Variants in LIN28B observed in about 807,000 individuals in gnomAD.
LIN28B encodes lin-28 RNA binding posttranscriptional regulator B, also known as protein lin-28 homolog B.
Under a neutral mutation model 21.9 loss-of-function variants are expected in LIN28B, and 5 were observed. The ratio of observed to expected loss-of-function variants is 0.23; its 90% confidence interval spans 0.12 to 0.48. The LOEUF (loss-of-function observed/expected upper bound fraction) is 0.48. Ranked by LOEUF, LIN28B falls within the 20% of genes least tolerant of loss-of-function variation. LIN28B has a pLI of 0.98. For synonymous variants in LIN28B, 109 were observed against 111.3 expected (o/e 0.98, Z 0.13); for missense variants, 245 against 310.5 (o/e 0.79, Z 1.58).
At chr6:105,007,390 A>G (rs985055725) in intron 2 of LIN28B, among the ~76,000 whole-genome samples, 1 of 152,174 alleles carries the variant, frequency 6.6e-6, no homozygotes, top group Admixed American at 6.5e-5. Context: ...TCTGTGTTGC[A>G]TCACTGGCAA....
intron 2 of LIN28B, among the ~76,000 whole-genome samples, chr6:104,972,040 G>A (rs901858939): frequency 6.6e-6 from 1 of 151,934 alleles, no homozygotes; most frequent in Non-Finnish European, 1.5e-5. Context: ...GCGCAGTCTC[G>A]GCTCACTGCA....
At chr6:105,001,445 C>G (rs1770719094) in intron 2 of LIN28B, among the ~76,000 whole-genome samples, 1 of 152,194 alleles carries the variant, frequency 6.6e-6, no homozygotes. Flanking sequence ...CTTCTCAGAG[C>G]TAGGTGAGAA....
chr6:104,998,152 T>C (rs1434334013), intron 2 of LIN28B, among the ~76,000 whole-genome samples: 1 of 152,120 alleles, frequency 6.6e-6, no homozygotes, highest in African/African-American at 2.4e-5. Context: ...CATACCTAAT[T>C]CAAGACCCAT....
chr6:104,937,715 G>A (rs1244217351), intron 2 of LIN28B, among the ~76,000 whole-genome samples: 1 of 152,048 alleles, frequency 6.6e-6, no homozygotes, highest in Non-Finnish European at 1.5e-5. Context: ...AAAAATAGAG[G>A]GCAAGAGAAA....
At position 105,023,298 on chromosome 6, in the gene LIN28B, T is replaced by TTTATATATAATTATATATAATTATA. The variant is rs1436763731; in HGVS notation, c.199-2984_199-2983insATAATTATATTATATATAATTATAT. On this transcript the variant is annotated intron_variant, in intron 2 of 3. Transcript: ENST00000345080. ...ATTATATATATAAATAATATATATATTTATATATAATTATATTATATATAA... is the reference window on the plus strand; with the variant it reads ...ATTATATATATAAATAATATATATATTTATATATAATTATATATAATTATATTATATATAATTATATTATATATAA... Among the ~76,000 whole-genome samples the TTTATATATAATTATATATAATTATA allele has an allele frequency of 9.2e-4, 12 of 13,052 alleles. 1 individual carries two copies. The highest frequency in any genetic ancestry group is 2.8e-3 in the African/African-American group (12 of 4,262). The allele number at this position is 13,052 out of a possible 152,430, so 8.6% of individuals were successfully genotyped here.
intron 3 of LIN28B, among the ~76,000 whole-genome samples, chr6:105,060,266 T>C (rs1224869118): frequency 6.9e-6 from 1 of 145,348 alleles, no homozygotes; most frequent in African/African-American, 2.4e-5. Context: ...TTTTTTTGTT[T>C]GTTTGTTTCT....
chr6:104,975,100 G>A (rs144768407), intron 2 of LIN28B, among the ~76,000 whole-genome samples: 87 of 152,152 alleles, frequency 5.7e-4, no homozygotes, highest in African/African-American at 2.0e-3. Context: ...GATTACAGGC[G>A]TGAGCCACCG....
At chr6:104,963,363 CAA>C (rs1769794495) in intron 2 of LIN28B, among the ~76,000 whole-genome samples, 1 of 152,116 alleles carries the variant, frequency 6.6e-6, no homozygotes, top group South Asian at 2.1e-4. Flanking sequence ...TATTATAAAA[CAA>C]AATTTTATAA....
intron 2 of LIN28B, among the ~76,000 whole-genome samples, chr6:105,008,243 A>G (rs1770854175): frequency 6.6e-6 from 1 of 152,202 alleles, no homozygotes; most frequent in Non-Finnish European, 1.5e-5. Context: ...AATTATTTTC[A>G]TTCTGTGTTT....
intron 2 of LIN28B, among the ~76,000 whole-genome samples, chr6:104,984,752 A>T (rs1211701197): frequency 2.0e-5 from 3 of 152,234 alleles, no homozygotes; most frequent in Non-Finnish European, 4.4e-5. Context: ...CTAGTTAGTA[A>T]CACAAAAGTA....
intron 2 of LIN28B, among the ~76,000 whole-genome samples, chr6:104,974,902 C>A (rs972166318): frequency 6.6e-6 from 1 of 152,012 alleles, no homozygotes; most frequent in African/African-American, 2.4e-5. Context: ...TCATTGCAAC[C>A]TCTGCCTCCC....
chr6:104,991,356 G>T (rs1321567723), intron 2 of LIN28B, among the ~76,000 whole-genome samples: 11 of 147,614 alleles, frequency 7.5e-5, no homozygotes, highest in Non-Finnish European at 1.3e-4. Context: ...GGGCAGAGAC[G>T]CTCCTCACCT....
At chr6:104,968,990 T>C (rs1206434515) in intron 2 of LIN28B, among the ~76,000 whole-genome samples, 1 of 152,236 alleles carries the variant, frequency 6.6e-6, no homozygotes, top group Non-Finnish European at 1.5e-5. Flanking sequence ...ATATAAGCAC[T>C]GATCCTTCCA....
At chr6:105,074,857 C>T (rs112312813) in intron 3 of LIN28B, among the ~76,000 whole-genome samples, 7 of 152,228 alleles carry the variant, frequency 4.6e-5, no homozygotes, top group African/African-American at 1.2e-4. Flanking sequence ...AGGTGTGCCC[C>T]GCCACACCTG....
chr6:104,990,611 AG>A (rs200712212), intron 2 of LIN28B, among the ~76,000 whole-genome samples: 2,242 of 147,840 alleles, frequency 0.015, 53 homozygotes, highest in African/African-American at 0.053. Context: ...TTTCTCGCAG[AG>A]GGGGATTTGG....
At chr6:105,065,795 G>C (rs560571918) in intron 3 of LIN28B, among the ~76,000 whole-genome samples, 2 of 152,230 alleles carry the variant, frequency 1.3e-5, no homozygotes, top group East Asian at 3.9e-4. Flanking sequence ...CTCTATAAAT[G>C]CTTTTAATGC....
At chr6:104,942,507 T>G (rs761960163) in intron 2 of LIN28B, among the ~76,000 whole-genome samples, 1 of 151,424 alleles carries the variant, frequency 6.6e-6, no homozygotes, top group Non-Finnish European at 1.5e-5. Context: ...AAAATAAATT[T>G]GCTATGAAAT....
intron 2 of LIN28B, among the ~76,000 whole-genome samples, chr6:104,963,169 C>G (rs1039253720): frequency 1.3e-5 from 2 of 152,172 alleles, no homozygotes; most frequent in Non-Finnish European, 2.9e-5. Context: ...GCTTCAGCCT[C>G]CTGAGTAGCT....
At chr6:105,062,612 G>T (rs1772143629) in intron 3 of LIN28B, among the ~76,000 whole-genome samples, 1 of 152,086 alleles carries the variant, frequency 6.6e-6, no homozygotes, top group Non-Finnish European at 1.5e-5. Context: ...TTCATAATGG[G>T]TGATTTCCGT....
Sources: gnomAD v4.1 joint callset for allele counts (sites outside exome capture counted in the v4.1 genomes callset) on GRCh38, gnomAD v4.1.1 for gene constraint, MANE v1.5 for transcripts, NCBI Gene and HGNC (gene_info 2026-07-23, HGNC 2026-07-21) for gene names.